ULK4: variants seen among roughly 807,000 people sequenced by gnomAD.
ULK4 encodes the protein inactive serine/threonine-protein kinase ULK4.
A neutral mutation model predicts 160.6 loss-of-function variants in ULK4; 133 were observed. That is an observed-to-expected ratio of 0.83 (90% CI 0.72 to 0.96). The LOEUF is 0.96. ULK4 is among the 40% of genes least tolerant of loss of function. ULK4 has a pLI of 0.00. For synonymous variants in ULK4, 534 were observed against 539.8 expected (o/e 0.99, Z 0.15); for missense variants, 1,580 against 1,499.5 (o/e 1.05, Z -0.89).
At chr3:41,639,602 C>A (rs1226432070) in intron 30 of ULK4, among the ~76,000 whole-genome samples, 2 of 152,074 alleles carry the variant, frequency 1.3e-5, no homozygotes, top group Non-Finnish European at 2.9e-5. Context: ...GTGGTGCATG[C>A]CTGTAATCCC....
intron 29 of ULK4, among the ~76,000 whole-genome samples, chr3:41,671,334 C>G (rs1347863397): frequency 6.6e-6 from 1 of 152,042 alleles, no homozygotes; most frequent in African/African-American, 2.4e-5. Context: ...TACCTGACTT[C>G]AAAATATATT....
intron 34 of ULK4, among the ~76,000 whole-genome samples, chr3:41,408,795 G>C (rs1374034808): frequency 2.0e-5 from 3 of 152,120 alleles, no homozygotes; most frequent in Non-Finnish European, 2.9e-5. Flanking sequence ...TAGGAGCCCA[G>C]ACAAACCTTT....
intron 16 of ULK4, 102 bp from the exon 17 acceptor site, chr3:41,884,054 C>G (rs1267435539): frequency 1.2e-6 from 1 of 828,466 alleles, no homozygotes; most frequent in Admixed American, 2.1e-5. Context: ...AGATATAAGA[C>G]TGAGAAATAA....
In ULK4 at chr3:41,506,712, G is replaced by A. The variant is rs551609879; in HGVS notation, c.3227-43459C>T. ...CTTGTCCTCTATTTCTTAAGCAAGT[G>A]TTTTGTTATTTTAGACCACAGTTCT... On this transcript the variant is annotated intron_variant, in intron 32 of 36. Transcript: ENST00000301831. Among the ~76,000 whole-genome samples the A allele has an allele frequency of 7.7e-5, 10 of 129,684 alleles. No homozygotes were observed. In the South Asian group the frequency reaches 2.5e-3, roughly 32 times the overall value. The allele number at this position is 129,684 out of a possible 152,430, so 85.1% of individuals were successfully genotyped here.
At chr3:41,555,739 T>C (rs923223083) in intron 32 of ULK4, among the ~76,000 whole-genome samples, 4 of 152,212 alleles carry the variant, frequency 2.6e-5, no homozygotes, top group African/African-American at 7.2e-5. Context: ...TGCAGCACTA[T>C]TCACAATAGC....
At chr3:41,496,491 G>T (rs566876865) in intron 32 of ULK4, among the ~76,000 whole-genome samples, 136 of 152,156 alleles carry the variant, frequency 8.9e-4, no homozygotes, top group African/African-American at 3.0e-3. Context: ...CATGGTGACA[G>T]GGTCCAAGTA....
Position 41,736,564 on chromosome 3 carries a change from T to C in ULK4, c.2321+17797A>G, listed in dbSNP as rs1199112519. Among the ~76,000 whole-genome samples, 4 of 151,950 alleles carry C rather than the reference T, an allele frequency of 2.6e-5. No individual in the cohort carries two copies. The East Asian group carries it at 7.7e-4, about 29-fold the overall frequency. On this transcript the variant is annotated intron_variant, in intron 22 of 36. Transcript: ENST00000301831. ...GTTTGGTTTTTCCTTGTAAACTTGTTTGAGTTCATTGTAGATTCTGGATAT... is the reference window on the plus strand; with the variant it reads ...GTTTGGTTTTTCCTTGTAAACTTGTCTGAGTTCATTGTAGATTCTGGATAT...
At chr3:41,516,481 A>C (rs2085750758) in intron 32 of ULK4, among the ~76,000 whole-genome samples, 1 of 151,540 alleles carries the variant, frequency 6.6e-6, no homozygotes, top group Non-Finnish European at 1.5e-5. Context: ...AGTACTCCAC[A>C]ATGGAGTACT....
chr3:41,784,350 C>T (rs1451127826), intron 21 of ULK4, among the ~76,000 whole-genome samples: 1 of 152,102 alleles, frequency 6.6e-6, no homozygotes, highest in Admixed American at 6.5e-5. Flanking sequence ...AGGAGAATCG[C>T]TTGAACCCAG....
At chr3:41,644,082 G>A (rs2034366910) in intron 30 of ULK4, among the ~76,000 whole-genome samples, 1 of 152,162 alleles carries the variant, frequency 6.6e-6, no homozygotes, top group South Asian at 2.1e-4. Flanking sequence ...TCAGCTTAAG[G>A]AGATTTTGGG....
intron 32 of ULK4, among the ~76,000 whole-genome samples, chr3:41,522,518 T>C (rs1239105367): frequency 6.6e-6 from 1 of 152,156 alleles, no homozygotes; most frequent in East Asian, 1.9e-4. Context: ...TGAGAATATT[T>C]TAGACATTAA....
chr3:41,514,023 T>A (rs1231505752), intron 32 of ULK4, among the ~76,000 whole-genome samples: 4 of 152,230 alleles, frequency 2.6e-5, no homozygotes, highest in African/African-American at 9.6e-5. Context: ...AAAACTGGGT[T>A]CCAACTGTTT....
intron 34 of ULK4, among the ~76,000 whole-genome samples, chr3:41,424,326 C>T (rs1008140482): frequency 1.3e-5 from 2 of 152,184 alleles, no homozygotes; most frequent in Non-Finnish European, 2.9e-5. Flanking sequence ...GATGAGCAGA[C>T]TTAGTCTTTC....
chr3:41,717,958 C>G lies in ULK4; in HGVS notation c.2322-97G>C. 3.6e-6 allele frequency: 5 copies of G among 1,405,646 alleles called. No homozygotes were observed. In the Admixed American group the frequency reaches 9.3e-5, roughly 26 times the overall value. The allele number at this position is 1,405,646 out of a possible 1,614,324, so 87.1% of individuals were successfully genotyped here. ...CAAGGCAAGTGTTTCCAGAGGGCAC[C>G]CTCCCAATCATATTGACGTTTAGAT... is the stretch of plus-strand genomic sequence containing the variant. On this transcript the variant is annotated intron_variant, in intron 22 of 36. Transcript: ENST00000301831.
chr3:41,405,161 A>AT (rs2082268422), intron 34 of ULK4, among the ~76,000 whole-genome samples: 1 of 151,692 alleles, frequency 6.6e-6, no homozygotes, highest in Admixed American at 6.6e-5. Flanking sequence ...CCCAGTGTCT[A>AT]TTTTTGCCAT....
At chr3:41,644,676 C>T (rs9683347) in intron 30 of ULK4, among the ~76,000 whole-genome samples, 4 of 137,796 alleles carry the variant, frequency 2.9e-5, no homozygotes, top group East Asian at 2.1e-4. Context: ...TGTCTCTGCC[C>T]GGCTTTGGTA....
intron 35 of ULK4, among the ~76,000 whole-genome samples, chr3:41,266,510 A>C (rs1242448740): frequency 6.6e-6 from 1 of 152,132 alleles, no homozygotes; most frequent in African/African-American, 2.4e-5. Flanking sequence ...CAGGTGAGCT[A>C]CCACGGGGGA....
chr3:41,300,590 T>G (rs2079765775), intron 35 of ULK4, among the ~76,000 whole-genome samples: 1 of 151,810 alleles, frequency 6.6e-6, no homozygotes, highest in African/African-American at 2.4e-5. Flanking sequence ...TGTGAACCTT[T>G]ATCTTAAGGC....
intron 35 of ULK4, among the ~76,000 whole-genome samples, chr3:41,318,039 C>T (rs2080178602): frequency 6.6e-6 from 1 of 152,046 alleles, no homozygotes; most frequent in African/African-American, 2.4e-5. Flanking sequence ...CACTGTTGTC[C>T]CAGAGGTTAA....
Sources: gnomAD v4.1 joint callset for allele counts (sites outside exome capture counted in the v4.1 genomes callset) on GRCh38, gnomAD v4.1.1 for gene constraint, MANE v1.5 for transcripts, NCBI Gene and HGNC (gene_info 2026-07-23, HGNC 2026-07-21) for gene names.